PCDHGA1: variants seen among roughly 807,000 people sequenced by gnomAD.
PCDHGA1 encodes protocadherin gamma subfamily A, 1.
PCDHGA1 carries 32 observed loss-of-function variants against 58.0 expected under a neutral mutation model. The observed-to-expected ratio is 0.55, with a 90% confidence interval of 0.42 to 0.74. The LOEUF (loss-of-function observed/expected upper bound fraction) is 0.74. Among genes scored for constraint, PCDHGA1 ranks in the 30% least tolerant of loss-of-function variants. The pLI is 0.00. For missense variants in PCDHGA1, 1,205 were observed against 1,182.3 expected (o/e 1.02, Z -0.28); for synonymous variants, 498 against 501.1 (o/e 0.99, Z 0.08).
At chr5:141,393,348 T>G in intron 1 of PCDHGA1, 1 of 1,613,848 alleles carries the variant, frequency 6.2e-7, no homozygotes, top group Non-Finnish European at 8.5e-7. Context: ...TCACCACTTC[T>G]CCCTGGACGT....
chr5:141,483,946 T>C (rs374723616), intron 1 of PCDHGA1, among the ~76,000 whole-genome samples: 127 of 148,696 alleles, frequency 8.5e-4, no homozygotes, highest in Non-Finnish European at 1.5e-3. Flanking sequence ...ACGGTGTGAA[T>C]TGTGTTGTGT....
intron 1 of PCDHGA1, chr5:141,414,391 T>TG (rs1367379916): frequency 6.2e-7 from 1 of 1,613,862 alleles, no homozygotes; most frequent in South Asian, 1.1e-5. Flanking sequence ...TGACAGTTAT[T>TG]ACAGATTGGT....
At position 141,487,943 on chromosome 5, in the gene PCDHGA1, A is replaced by C. The variant is rs2099669443; in HGVS notation, c.2422-6864A>C. ...TACAGTGCACAGGGTACAGTGCACCAGGCAGTCACTTGGACAAAGGTGGCT... is the reference window on the plus strand; with the variant it reads ...TACAGTGCACAGGGTACAGTGCACCCGGCAGTCACTTGGACAAAGGTGGCT... On this transcript the variant is annotated intron_variant, in intron 1 of 3. Coordinates refer to ENST00000517417, the MANE Select transcript of PCDHGA1 (RefSeq NM_018912.3). The surrounding 1 kb of genome is among the most constrained non-coding windows in gnomAD (Gnocchi z 5.0). Among the ~76,000 whole-genome samples, 1 of 152,220 alleles carries C rather than the reference A, an allele frequency of 6.6e-6. No homozygotes were observed.
Position 141,344,460 on chromosome 5 carries a change from G to A in PCDHGA1, c.2421+11355G>A, listed in dbSNP as rs750660913. 1.4e-5 allele frequency: 23 copies of A among 1,613,800 alleles called. No homozygotes were observed. The South Asian group carries it at 2.5e-4, about 18-fold the overall frequency. On this transcript the variant is annotated intron_variant, in intron 1 of 3. Transcript: ENST00000517417. ...AACAGAGGAATTGGAAATAAAAATT[G>A]GTGAACTAACGGTTCCTGGAACCCG...
intron 1 of PCDHGA1, among the ~76,000 whole-genome samples, chr5:141,353,900 A>G (rs1026429677): frequency 6.6e-6 from 1 of 152,220 alleles, no homozygotes; most frequent in Non-Finnish European, 1.5e-5. Flanking sequence ...AATTCTGTAT[A>G]GCTAATGCCC....
intron 1 of PCDHGA1, chr5:141,478,540 C>T (rs1221128622): frequency 6.2e-7 from 1 of 1,606,412 alleles, no homozygotes; most frequent in East Asian, 2.2e-5. Context: ...GCGCCCCTCC[C>T]GGACAGGTAA....
intron 1 of PCDHGA1, chr5:141,422,866 G>C: frequency 1.2e-6 from 2 of 1,614,216 alleles, no homozygotes; most frequent in Non-Finnish European, 8.5e-7. Context: ...CAGCAGCAAC[G>C]TGTCGCTGAG....
chr5:141,366,091 G>A (rs756134424), intron 1 of PCDHGA1: 3 of 1,614,130 alleles, frequency 1.9e-6, no homozygotes, highest in Non-Finnish European at 2.5e-6. Flanking sequence ...CTGGCTACCT[G>A]GTGACCAAGG....
intron 1 of PCDHGA1, chr5:141,375,270 A>T (rs1771295281): frequency 6.2e-7 from 1 of 1,613,754 alleles, no homozygotes. Flanking sequence ...GAATTGGAAA[A>T]ATCAGTTGGC....
intron 1 of PCDHGA1, chr5:141,426,906 C>T (rs2096969568): frequency 4.4e-6 from 2 of 456,654 alleles, no homozygotes; most frequent in Admixed American, 2.3e-5. Context: ...CTCTCATCTC[C>T]TGGTCCTGGA....
intron 1 of PCDHGA1, chr5:141,374,258 T>C: frequency 2.5e-6 from 4 of 1,613,924 alleles, no homozygotes; most frequent in East Asian, 2.2e-5. Flanking sequence ...GCCCCAGGAG[T>C]TGGCGGAGCA....
intron 1 of PCDHGA1, chr5:141,360,778 G>A: frequency 6.2e-7 from 1 of 1,613,918 alleles, no homozygotes; most frequent in African/African-American, 1.3e-5. Flanking sequence ...CCTCACAGCT[G>A]TGGATGGCGG....
chr5:141,472,183 A>G (rs2099273731), intron 1 of PCDHGA1, among the ~76,000 whole-genome samples: 1 of 152,190 alleles, frequency 6.6e-6, no homozygotes, highest in South Asian at 2.1e-4. Flanking sequence ...CCAGTATTGG[A>G]ATTTGAATCT....
At chr5:141,383,218 A>C in intron 1 of PCDHGA1, 1 of 1,614,020 alleles carries the variant, frequency 6.2e-7, no homozygotes, top group Non-Finnish European at 8.5e-7. Context: ...GGTAAACTTT[A>C]ACATCCTGAT....
Position 141,477,778 on chromosome 5 carries a change from C to T in PCDHGA1, c.2422-17029C>T, listed in dbSNP as rs866423908. On this transcript the variant is annotated intron_variant, in intron 1 of 3. Transcript: ENST00000517417. This position sits in a 1 kb window ranked among gnomAD's most constrained non-coding sequence, Gnocchi z 4.9. ...TCCTAGCCACCAACATCAGCGTGAA[C>T]ATATTTGTCACTGATCGCAATGACA... 2.5e-6 allele frequency: 4 copies of T among 1,614,052 alleles called. No homozygotes were observed. In the African/African-American group the frequency reaches 5.3e-5, roughly 22 times the overall value.
chr5:141,407,985 A>G, intron 1 of PCDHGA1: 1 of 789,616 alleles, frequency 1.3e-6, no homozygotes, highest in Non-Finnish European at 1.9e-6. Flanking sequence ...GGGATCCGTC[A>G]GCCTCTGGCC....
At chr5:141,376,271 G>A (rs761909915) in intron 1 of PCDHGA1, 2 of 1,614,104 alleles carry the variant, frequency 1.2e-6, no homozygotes, top group African/African-American at 2.7e-5. Flanking sequence ...GGCTTCGGGA[G>A]GTGGCTTAGC....
chr5:141,453,700 G>T (rs953445370), intron 1 of PCDHGA1, among the ~76,000 whole-genome samples: 1 of 152,166 alleles, frequency 6.6e-6, no homozygotes, highest in East Asian at 1.9e-4. Flanking sequence ...TCCTGGCTTT[G>T]AACAGTTTCA....
chr5:141,377,940 A>G (rs112263014), intron 1 of PCDHGA1: 1 of 152,188 alleles, frequency 6.6e-6, no homozygotes, highest in Non-Finnish European at 1.5e-5. Context: ...TGCTGCTTAT[A>G]GAGTGTGTAT....
Sources: gnomAD v4.1 joint callset for allele counts (sites outside exome capture counted in the v4.1 genomes callset) on GRCh38, gnomAD v4.1.1 for gene constraint, Gnocchi (gnomAD v3.1) non-coding constraint, MANE v1.5 for transcripts, NCBI Gene and HGNC (gene_info 2026-07-23, HGNC 2026-07-21) for gene names.